The following VAV3 variants were observed in gnomAD, a reference collection of about 807,000 sequenced individuals.
The protein encoded by VAV3 is guanine nucleotide exchange factor VAV3.
In VAV3, 94 loss-of-function variants were observed where a neutral mutation model predicts 131.2. The ratio of observed to expected loss-of-function variants is 0.72; its 90% CI spans 0.61 to 0.85. The LOEUF is 0.85. Among genes scored for constraint, VAV3 ranks in the 40% least tolerant of loss-of-function variants. VAV3 has a pLI of 0.00. For missense variants in VAV3, 939 were observed against 1,002.7 expected (o/e 0.94, Z 0.86); for synonymous variants, 349 against 342.0 (o/e 1.02, Z -0.22).
At chr1:107,720,461 A>T (rs1340560367) in intron 15 of VAV3, among the ~76,000 whole-genome samples, 18 of 149,854 alleles carry the variant, frequency 1.2e-4, no homozygotes, top group Non-Finnish European at 5.9e-5. Flanking sequence ...GCTAAAAAAA[A>T]AAAAAAAAGG....
At chr1:107,785,649 G>A (rs1048607136) in intron 2 of VAV3, 6 of 1,119,200 alleles carry the variant, frequency 5.4e-6, no homozygotes, top group African/African-American at 3.4e-5. Flanking sequence ...TGCCCTGTGG[G>A]GTTGTGGAGA....
At chr1:107,597,136 TATAA>T (rs1337753609) in intron 24 of VAV3, among the ~76,000 whole-genome samples, 1 of 151,928 alleles carries the variant, frequency 6.6e-6, no homozygotes, top group African/African-American at 2.4e-5. Context: ...TAAAATTTCT[TATAA>T]ATATCTGAAA....
At chr1:107,949,308 T>TTTTG (rs140828995) in intron 1 of VAV3, among the ~76,000 whole-genome samples, 3 of 151,770 alleles carry the variant, frequency 2.0e-5, no homozygotes, top group African/African-American at 7.3e-5. Context: ...TTTTGTTTAT[T>TTTTG]TTTGTTTGTT....
intron 15 of VAV3, among the ~76,000 whole-genome samples, chr1:107,732,260 T>G (rs1446716659): frequency 6.6e-6 from 1 of 152,208 alleles, no homozygotes; most frequent in African/African-American, 2.4e-5. Context: ...GATGACCGAA[T>G]AGGAACAGCT....
intron 25 of VAV3, among the ~76,000 whole-genome samples, chr1:107,579,460 CT>C (rs1649881071): frequency 6.6e-6 from 1 of 152,236 alleles, no homozygotes; most frequent in Admixed American, 6.5e-5. Context: ...CCTGTTCTCT[CT>C]GTGAACTAGC....
At chr1:107,576,231 G>A (rs965669091) in intron 25 of VAV3, among the ~76,000 whole-genome samples, 4 of 152,118 alleles carry the variant, frequency 2.6e-5, no homozygotes, top group East Asian at 1.9e-4. Flanking sequence ...CATGATGAAC[G>A]GTGACTATGA....
intron 19 of VAV3, among the ~76,000 whole-genome samples, chr1:107,681,384 G>A (rs1658598435): frequency 6.6e-6 from 1 of 152,172 alleles, no homozygotes; most frequent in African/African-American, 2.4e-5. Flanking sequence ...ATAGCCACAT[G>A]AGGATCAAGG....
At chr1:107,699,656 A>ACC (rs1352187008) in intron 17 of VAV3, among the ~76,000 whole-genome samples, 1 of 152,040 alleles carries the variant, frequency 6.6e-6, no homozygotes, top group Non-Finnish European at 1.5e-5. Flanking sequence ...CCTGCAGCAG[A>ACC]CCGCTGCCTG....
At chr1:107,958,243 A>G (rs1674911899) in intron 1 of VAV3, among the ~76,000 whole-genome samples, 1 of 152,214 alleles carries the variant, frequency 6.6e-6, no homozygotes, top group Non-Finnish European at 1.5e-5. Flanking sequence ...GGGAAATAAC[A>G]GTTCTTCCTC....
intron 2 of VAV3, among the ~76,000 whole-genome samples, chr1:107,850,575 G>T (rs1292302147): frequency 6.6e-6 from 1 of 151,260 alleles, no homozygotes; most frequent in African/African-American, 2.4e-5. Flanking sequence ...CTGTCGAGGG[G>T]TGGGGGGCAA....
At chr1:107,842,361 G>A (rs139623540) in intron 2 of VAV3, among the ~76,000 whole-genome samples, 2 of 152,182 alleles carry the variant, frequency 1.3e-5, no homozygotes, top group Admixed American at 6.5e-5. Flanking sequence ...GGAGTGAACA[G>A]CTGACTCAAG....
intron 2 of VAV3, among the ~76,000 whole-genome samples, chr1:107,856,168 C>T (rs1472896026): frequency 6.6e-6 from 1 of 152,126 alleles, no homozygotes; most frequent in Non-Finnish European, 1.5e-5. Context: ...TACTCAAAAG[C>T]CGACATGAAA....
In VAV3 at chr1:107,571,773, T is replaced by C. The variant is rs987800478; in HGVS notation, c.*1558A>G. ...TAAAACACAATCACAGTTTACATAA[T>C]TCTGAGGTAAAGGTCTTGAATCTAT... On this transcript the variant is annotated 3_prime_UTR_variant, in exon 27 of 27. Transcript: ENST00000370056. The C allele has an allele frequency of 6.6e-6, 1 of 152,662 alleles. No individual in the cohort carries two copies. Among genetic ancestry groups the C allele is most frequent in the Non-Finnish European group, 1.5e-5 (1 of 68,048 alleles). 9.5% of individuals were successfully genotyped at this position (152,662 alleles called of 1,614,324 possible).
chr1:107,871,336 C>G (rs1348981768), intron 2 of VAV3, among the ~76,000 whole-genome samples: 1 of 151,554 alleles, frequency 6.6e-6, no homozygotes, highest in Admixed American at 6.6e-5. Flanking sequence ...CATTCCCCCC[C>G]TCTCCCCCCA....
intron 19 of VAV3, among the ~76,000 whole-genome samples, chr1:107,666,850 G>A (rs1657445937): frequency 6.6e-6 from 1 of 152,110 alleles, no homozygotes; most frequent in South Asian, 2.1e-4. Context: ...CCATTTTAAA[G>A]AAGTTAAGGT....
chr1:107,779,387 T>A (rs1456353364), intron 3 of VAV3, 47 bp downstream of exon 3: 20 of 1,508,200 alleles, frequency 1.3e-5, no homozygotes, highest in Non-Finnish European at 1.8e-5. Flanking sequence ...TAAAGAATCA[T>A]TACACTGAAC....
chr1:107,753,222 T>C (rs1008703335), intron 12 of VAV3, among the ~76,000 whole-genome samples: 1 of 151,922 alleles, frequency 6.6e-6, no homozygotes, highest in Non-Finnish European at 1.5e-5. Flanking sequence ...TGGCAAATAT[T>C]GTATGATTTC....
Position 107,571,709 on chromosome 1 carries a change from T to C in VAV3, c.*1622A>G, listed in dbSNP as rs1047388701. 4 of 152,694 alleles carry C rather than the reference T, an allele frequency of 2.6e-5. No individual in the cohort carries two copies. The highest frequency in any genetic ancestry group is 6.5e-5 in the Admixed American group (1 of 15,288). 9.5% of individuals were successfully genotyped at this position (152,694 alleles called of 1,614,324 possible). A position where few individuals can be genotyped will look rare whatever the true frequency, so the allele number is the denominator to read the frequency against. On this transcript the variant is annotated 3_prime_UTR_variant, in exon 27 of 27. Coordinates refer to ENST00000370056, the MANE Select transcript of VAV3 (RefSeq NM_006113.5). Reference sequence around the variant, plus strand: ...ACATTTTTGTGATCATTTACACATATACAAAGACTTAAATGGTTTTAGCAA... The same window carrying C: ...ACATTTTTGTGATCATTTACACATACACAAAGACTTAAATGGTTTTAGCAA...
At chr1:107,774,922 T>TTTG (rs1553205985) in intron 4 of VAV3, among the ~76,000 whole-genome samples, 1 of 151,740 alleles carries the variant, frequency 6.6e-6, no homozygotes, top group Non-Finnish European at 1.5e-5. Context: ...GCTTTTTTTT[T>TTTG]TTTTTTAAGA....
Sources: allele counts gnomAD v4.1 joint callset (sites outside exome capture counted in the v4.1 genomes callset), GRCh38; gene constraint gnomAD v4.1.1; transcripts MANE v1.5; gene names NCBI Gene and HGNC (gene_info 2026-07-23, HGNC 2026-07-21).